Variants in ANKRD17 observed in about 807,000 individuals in gnomAD.
ANKRD17 encodes ankyrin repeat domain-containing protein 17.
ANKRD17 carries 19 observed loss-of-function variants against 229.7 expected under a neutral mutation model. The observed-to-expected ratio is 0.08, with a 90% CI of 0.06 to 0.12. ANKRD17 has a LOEUF of 0.12. Ranked by LOEUF, ANKRD17 falls within the 10% of genes least tolerant of loss-of-function variation. The pLI, the probability that ANKRD17 is intolerant of heterozygous loss-of-function variation, is 1.00. For missense variants in ANKRD17, 2,176 were observed against 3,176.8 expected, an observed-to-expected ratio of 0.68 and a Z score of 7.57; for synonymous variants, 1,112 against 1,146.1, an observed-to-expected ratio of 0.97 and a Z score of 0.60.
chr4:73,227,494 T>A (rs907300409), intron 1 of ANKRD17, among the ~76,000 whole-genome samples: 1 of 152,122 alleles, frequency 6.6e-6, no homozygotes. Context: ...TTCCCATTTA[T>A]CTAAAATGGA....
chr4:73,206,515 G>C (rs1739478749), intron 1 of ANKRD17, among the ~76,000 whole-genome samples: 1 of 151,914 alleles, frequency 6.6e-6, no homozygotes, highest in African/African-American at 2.4e-5. Flanking sequence ...CTTGTCTCTT[G>C]CAACAACATG....
chr4:73,156,335 C>G lies in ANKRD17; in HGVS notation c.705-169G>C, dbSNP rs767521619. Among the ~76,000 whole-genome samples the G allele has an allele frequency of 2.0e-5, 3 of 152,194 alleles. No individual in the cohort carries two copies. The East Asian group carries it at 5.8e-4, about 29-fold the overall frequency. On this transcript the variant is annotated intron_variant, in intron 3 of 33. Coordinates refer to ENST00000358602, the MANE Select transcript of ANKRD17 (RefSeq NM_032217.5). ...ATCAGCTCACTGCAGCCTTAAACTC[C>G]TGGCCTCAAGCAATCCTCCTGCTTC...
In ANKRD17 at chr4:73,221,167, G is replaced by A. The variant is rs545496981; in HGVS notation, c.393+37109C>T. Among the ~76,000 whole-genome samples, 379 of 152,094 alleles carry A rather than the reference G, an allele frequency of 2.5e-3. 2 individuals are homozygous for A. Among genetic ancestry groups the A allele is most frequent in the South Asian group, 0.016 (77 of 4,830 alleles). Reference sequence around the variant, plus strand: ...ATGATATTTTAAATAAAGAGAAAAAGCTACTTATTTAGTATGATAGGATGC... The same window carrying A: ...ATGATATTTTAAATAAAGAGAAAAAACTACTTATTTAGTATGATAGGATGC... On this transcript the variant is annotated intron_variant, in intron 1 of 33. Transcript: ENST00000358602.
At chr4:73,157,017 T>C (rs573340222) in intron 3 of ANKRD17, among the ~76,000 whole-genome samples, 18 of 152,196 alleles carry the variant, frequency 1.2e-4, no homozygotes, top group Non-Finnish European at 2.5e-4. Flanking sequence ...TTTTCAGTTA[T>C]GCAACTGAAG....
chr4:73,114,621 T>C (rs888341122), intron 23 of ANKRD17, among the ~76,000 whole-genome samples: 4 of 152,082 alleles, frequency 2.6e-5, no homozygotes, highest in African/African-American at 9.7e-5. Context: ...AGACTACAGC[T>C]GTGTGCCACT....
intron 5 of ANKRD17, among the ~76,000 whole-genome samples, chr4:73,154,718 C>A (rs1282954346): frequency 6.6e-6 from 1 of 152,084 alleles, no homozygotes; most frequent in African/African-American, 2.4e-5. Flanking sequence ...TTCTAAAAAT[C>A]CCTTCAAATC....
At chr4:73,208,975 G>T (rs1462912581) in intron 1 of ANKRD17, among the ~76,000 whole-genome samples, 1 of 152,142 alleles carries the variant, frequency 6.6e-6, no homozygotes, top group African/African-American at 2.4e-5. Context: ...ACTTCCGGGG[G>T]TGGGCAGATC....
intron 2 of ANKRD17, among the ~76,000 whole-genome samples, chr4:73,171,231 C>G (rs1733998667): frequency 8.1e-6 from 1 of 124,024 alleles, no homozygotes; most frequent in Non-Finnish European, 1.8e-5. Context: ...GACTGAGACT[C>G]CATTTGTTTG....
rs1207852530 is a variant in ANKRD17, at chr4:73,161,197, C to A, written c.699G>T (p.Ser233=). The change falls in exon 3 of 34, where the codon TCG becomes TCT. Residue 233 remains serine (S), a synonymous_variant. Transcript: ENST00000358602. The part of the protein sequence containing the change: ...RAESTANAGQ[S]DNRSLAEACS... ...GGCAGCAAAAATGTACTTACTTGTC[C>A]GACTGCCCTGCATTTGCTGTGCTTT... 6.2e-7 allele frequency: 1 copy of A among 1,612,406 alleles called. No homozygotes were observed. The highest frequency in any genetic ancestry group is 8.5e-7 in the Non-Finnish European group (1 of 1,179,542).
chr4:73,254,009 T>G (rs898123430), intron 1 of ANKRD17, among the ~76,000 whole-genome samples: 1 of 152,200 alleles, frequency 6.6e-6, no homozygotes, highest in African/African-American at 2.4e-5. Flanking sequence ...TAAATTATAA[T>G]TAAGACAGAC....
In ANKRD17 at chr4:73,092,256, G is replaced by C. The variant is rs1300123621; in HGVS notation, c.5372C>G (p.Ala1791Gly). 1 of 1,614,076 alleles carries C rather than the reference G, an allele frequency of 6.2e-7. No individual in the cohort carries two copies. The highest frequency in any genetic ancestry group is 8.5e-7 in the Non-Finnish European group (1 of 1,180,008). ...TTCTTTGTCTGGATCCTTGATCAAAGCATTAATCAATTGAGTTGCTTGTCT... is the reference window on the plus strand; with the variant it reads ...TTCTTTGTCTGGATCCTTGATCAAACCATTAATCAATTGAGTTGCTTGTCT... ...STRQATQLIN[A>G]LIKDPDKEID... Residue 1791 changes from alanine (A) to glycine (G), a missense_variant, in exon 29 of 34, where the codon GCT becomes GGT. By Grantham distance (60) the Ala-to-Gly change is moderately conservative. This residue lies in a region of ANKRD17 where 142 missense variants were observed against 200.4 expected (regional missense o/e 0.71). Transcript: ENST00000358602.
In ANKRD17 at chr4:73,091,909, T is replaced by C. The variant is rs199530285; in HGVS notation, c.5719A>G (p.Arg1907Gly). The change falls in exon 29 of 34, where the codon AGG (arginine) becomes GGG (glycine). Residue 1907 changes from arginine (R) to glycine (G), a missense_variant. Transcript: ENST00000358602. ...AQTFQQIRPP[R>G]LPMTHFGGTF... ...CCTCCAAAGTGGGTCATGGGCAACC[T>C]TGGTGGACGGATCTGCTGGAAAGTC... 9.3e-6 allele frequency: 15 copies of C among 1,614,006 alleles called. No homozygotes were observed. The highest frequency in any genetic ancestry group is 5.0e-5 in the Admixed American group (3 of 59,996).
chr4:73,224,465 T>A (rs1212992444), intron 1 of ANKRD17, among the ~76,000 whole-genome samples: 1 of 152,192 alleles, frequency 6.6e-6, no homozygotes, highest in Non-Finnish European at 1.5e-5. Flanking sequence ...GATTATGGTT[T>A]CTTAACAGTT....
At chr4:73,139,191 A>G (rs560044967) in intron 15 of ANKRD17, among the ~76,000 whole-genome samples, 50 of 152,296 alleles carry the variant, frequency 3.3e-4, no homozygotes, top group African/African-American at 1.2e-3. Context: ...GTGTGAATAC[A>G]GAAGCAAAAT....
At chr4:73,218,732 T>C (rs1359453502) in intron 1 of ANKRD17, among the ~76,000 whole-genome samples, 1 of 151,694 alleles carries the variant, frequency 6.6e-6, no homozygotes, top group Admixed American at 6.6e-5. Flanking sequence ...TGAGACAAAA[T>C]TAGCTGGACT....
chr4:73,187,592 A>C lies in ANKRD17; in HGVS notation c.394-10059T>G, dbSNP rs544384037. ...TAACCAATGGAATCCTCTAGAGGGGACTTAAACTCTCAAAAATTCTGTAAG... is the reference window on the plus strand; with the variant it reads ...TAACCAATGGAATCCTCTAGAGGGGCCTTAAACTCTCAAAAATTCTGTAAG... On this transcript the variant is annotated intron_variant, in intron 1 of 33. Transcript: ENST00000358602. 2.0e-5 allele frequency among the ~76,000 whole-genome samples: 3 copies of C among 152,262 alleles called. No individual in the cohort carries two copies. In the East Asian group the frequency reaches 5.8e-4, roughly 29 times the overall value.
chr4:73,087,529 G>A (rs1348858378), intron 29 of ANKRD17, among the ~76,000 whole-genome samples: 1 of 152,228 alleles, frequency 6.6e-6, no homozygotes, highest in Admixed American at 6.5e-5. Context: ...AAGAATTACA[G>A]AGGAAGGCAG....
chr4:73,090,924 T>C lies in ANKRD17; in HGVS notation c.6704A>G (p.His2235Arg). 1 of 1,614,240 alleles carries C rather than the reference T, an allele frequency of 6.2e-7. No homozygotes were observed. Among genetic ancestry groups the C allele is most frequent in the Non-Finnish European group, 8.5e-7 (1 of 1,180,052 alleles). Residue 2235 changes from histidine (H) to arginine (R), a missense_variant, in exon 29 of 34, where the codon CAT becomes CGT. Around this residue, in one of 18 missense-constraint regions of ANKRD17, gnomAD observed 424 missense variants for 454.0 expected, o/e 0.93. Transcript: ENST00000358602. ...GGGAGCAATAGGCTTATTTGCTGGA[T>C]GTACTGAATTCTGACAAGCACTTTG... ...STQSACQNSV[H>R]PANKPIAPNF...
Position 73,076,926 on chromosome 4 carries a change from A to G in ANKRD17, c.7752+14T>C. ...CACAAAACAACTGTTTATTCACTGA[A>G]TGATCAGCCTCACCGTTTGAGGGCC... On this transcript the variant is annotated intron_variant, in intron 33 of 33. Transcript: ENST00000358602. The G allele has an allele frequency of 6.2e-7, 1 of 1,600,290 alleles. No individual in the cohort carries two copies. Among genetic ancestry groups the G allele is most frequent in the Non-Finnish European group, 8.5e-7 (1 of 1,174,742 alleles).
Sources: allele counts gnomAD v4.1 joint callset (sites outside exome capture counted in the v4.1 genomes callset), GRCh38; gene constraint gnomAD v4.1.1; regional missense constraint gnomAD v4.1.1; transcripts MANE v1.5; gene names NCBI Gene and HGNC (gene_info 2026-07-23, HGNC 2026-07-21).